Variants in TMEM200C observed in about 807,000 individuals in gnomAD.
TMEM200C encodes transmembrane protein TTMA.
For synonymous variants in TMEM200C, 462 were observed against 324.7 expected (o/e 1.42, Z -4.55); for missense variants, 966 against 699.9 (o/e 1.38, Z -4.29).
chr18:5,891,677 G>A lies in TMEM200C; in HGVS notation c.387C>T (p.Gly129=), dbSNP rs781557073. The A allele has an allele frequency of 1.9e-6, 3 of 1,613,638 alleles. No homozygotes were observed. Among genetic ancestry groups the A allele is most frequent in the East Asian group, 2.2e-5 (1 of 44,800 alleles). Residue 129 remains glycine, a synonymous_variant, in exon 3 of 3, where the codon GGC becomes GGT. Coordinates refer to ENST00000581347, the Ensembl canonical transcript of TMEM200C. This position sits in a 1 kb window ranked among gnomAD's most constrained non-coding sequence, Gnocchi z 4.7. ...GTGCTGGAGGCGTGCTCCTGGGCGC[G>A]CCCGCGGAACTGGAGTTGACACCCC... is the stretch of plus-strand genomic sequence containing the variant.
intron 1 of TMEM200C, 24 bp from the exon 1 acceptor site, chr18:5,895,546 G>A (rs1337444330): frequency 6.1e-5 from 9 of 146,908 alleles, no homozygotes; most frequent in African/African-American, 2.2e-4. Flanking sequence ...CGCCCGGCTC[G>A]GCGGAGTCGG....
exon 3 of TMEM200C, chr18:5,890,074 C>A: frequency 2.3e-6 from 2 of 881,100 alleles, no homozygotes; most frequent in Non-Finnish European, 3.2e-6. Context: ...CATTCTGCAG[C>A]TCTTTGGATA....
At chr18:5,893,289 G>C (rs1418402295) in intron 2 of TMEM200C, among the ~76,000 whole-genome samples, 1 of 152,054 alleles carries the variant, frequency 6.6e-6, no homozygotes, top group Admixed American at 6.5e-5. Flanking sequence ...AAACTGTTTT[G>C]TTTTGTTTTG....
At chr18:5,886,814 A>T (rs777973767) in exon 3 of TMEM200C, 3 of 152,176 alleles carry the variant, frequency 2.0e-5, no homozygotes, top group Non-Finnish European at 4.4e-5. Flanking sequence ...ACTTTGAGCC[A>T]CTATGCTATG....
rs1312734989 is a variant in TMEM200C, at chr18:5,891,720, C to T, written c.344G>A (p.Ser115Asn). ...GACACCCCCTGGAGCCCTAGGGTGG[C>T]TCCTGGACCGGTTTTTGCTGCCACT... Residue 115 changes from serine (S) to asparagine (N), a missense_variant, in exon 3 of 3, where the codon AGC becomes AAC. Coordinates refer to ENST00000581347, the Ensembl canonical transcript of TMEM200C. The surrounding 1 kb of genome is among the most constrained non-coding windows in gnomAD (Gnocchi z 4.7). 2 of 1,613,242 alleles carry T rather than the reference C, an allele frequency of 1.2e-6. No individual in the cohort carries two copies. The highest frequency in any genetic ancestry group is 2.2e-5 in the South Asian group (2 of 91,084).
exon 3 of TMEM200C, chr18:5,886,926 G>A (rs2095165821): frequency 6.6e-6 from 1 of 152,076 alleles, no homozygotes; most frequent in South Asian, 2.1e-4. Flanking sequence ...TTAAATAAAA[G>A]GAACAAACCT....
exon 3 of TMEM200C, chr18:5,890,452 T>C (rs2095169075): frequency 6.3e-7 from 1 of 1,579,332 alleles, no homozygotes; most frequent in Non-Finnish European, 8.6e-7. Context: ...CGCAGGGGTG[T>C]GTAGCCCTTA....
At chr18:5,883,282 A>G (rs1193507755) in exon 3 of TMEM200C, 1 of 130,596 alleles carries the variant, frequency 7.7e-6, no homozygotes, top group Non-Finnish European at 1.6e-5. Flanking sequence ...ACAAAATTAT[A>G]CTTTTGTTAA....
At chr18:5,891,000 G>A (rs1296677721) in exon 3 of TMEM200C, 1 of 636,310 alleles carries the variant, frequency 1.6e-6, no homozygotes, top group South Asian at 1.6e-5. Flanking sequence ...TGGGCTGCAG[G>A]GCGCCGGACT....
At chr18:5,890,191 C>G (rs200950633) in exon 3 of TMEM200C, 7 of 1,523,662 alleles carry the variant, frequency 4.6e-6, no homozygotes, top group Non-Finnish European at 6.2e-6. Context: ...CCAACCCACC[C>G]CTTTCTCTAA....
chr18:5,894,849 A>C (rs1321516236), intron 2 of TMEM200C, among the ~76,000 whole-genome samples, 181 bp downstream of exon 1: 1 of 152,172 alleles, frequency 6.6e-6, no homozygotes, highest in Non-Finnish European at 1.5e-5. Context: ...GCAATCCTGA[A>C]CTAGCTTTTT....
exon 3 of TMEM200C, chr18:5,886,115 C>CA (rs2095165168): frequency 6.6e-6 from 1 of 151,818 alleles, no homozygotes. Flanking sequence ...TTTTATGTGT[C>CA]AGAGGGTTTT....
At chr18:5,892,585 G>C (rs1404803472) in intron 2 of TMEM200C, among the ~76,000 whole-genome samples, 1 of 152,168 alleles carries the variant, frequency 6.6e-6, no homozygotes, top group Non-Finnish European at 1.5e-5. Context: ...TCAGGAATTG[G>C]AAGATTTTTC....
rs201827744 is a variant in TMEM200C, at chr18:5,889,721, AAG to A, written c.*475_*476del. 860 of 152,436 alleles carry A rather than the reference AAG, an allele frequency of 5.6e-3. 4 individuals are homozygous for A. The highest frequency in any genetic ancestry group is 8.2e-3 in the Non-Finnish European group (560 of 68,164). The allele number at this position is 152,436 out of a possible 1,614,324, so 9.4% of individuals were successfully genotyped here. A position where few individuals can be genotyped will look rare whatever the true frequency, so the allele number is the denominator to read the frequency against. On this transcript the variant is annotated 3_prime_UTR_variant, in exon 3 of 3. Coordinates refer to ENST00000581347, the Ensembl canonical transcript of TMEM200C. Reference sequence around the variant, plus strand: ...GACTTCAGTTAGTAACATCAATTCTAAGAGAACTGAGACAAACTCTTCTATGT... The same window carrying A: ...GACTTCAGTTAGTAACATCAATTCTAAGAACTGAGACAAACTCTTCTATGT...
At chr18:5,886,706 C>T (rs1426334377) in exon 3 of TMEM200C, 1 of 152,074 alleles carries the variant, frequency 6.6e-6, no homozygotes, top group Non-Finnish European at 1.5e-5. Flanking sequence ...ATTTAGTCCT[C>T]ATTTAAATAA....
At chr18:5,886,159 C>G (rs1221813810) in exon 3 of TMEM200C, 1 of 151,914 alleles carries the variant, frequency 6.6e-6, no homozygotes, top group Admixed American at 6.6e-5. Flanking sequence ...AAAATCAAAA[C>G]TGCATCTTAA....
chr18:5,882,107 G>A (rs1232057950), exon 3 of TMEM200C: 1 of 152,030 alleles, frequency 6.6e-6, no homozygotes, highest in East Asian at 1.9e-4. Flanking sequence ...ACATTTTTCA[G>A]GCATGTCACA....
At chr18:5,895,562 G>A (rs1267786098) in intron 1 of TMEM200C, 40 bp from the exon 1 acceptor site, 8 of 139,460 alleles carry the variant, frequency 5.7e-5, no homozygotes, top group African/African-American at 2.1e-4. Flanking sequence ...GTCGGGGGGC[G>A]CCCCCGCCCC....
exon 3 of TMEM200C, chr18:5,890,620 G>C: frequency 3.0e-6 from 3 of 1,001,480 alleles, no homozygotes; most frequent in Middle Eastern, 3.5e-4. Flanking sequence ...TCGGGGGACG[G>C]CGGCGCCCGG....
Sources: gnomAD v4.1 joint callset for allele counts (sites outside exome capture counted in the v4.1 genomes callset) on GRCh38, gnomAD v4.1.1 for gene constraint, Gnocchi (gnomAD v3.1) non-coding constraint, MANE v1.5 for transcripts, NCBI Gene and HGNC (gene_info 2026-07-23, HGNC 2026-07-21) for gene names.